TBC1D15: variants seen among roughly 807,000 people sequenced by gnomAD.
TBC1D15 encodes TBC1 domain family member 15, also known as GAP for RAB7.
A neutral mutation model predicts 95.4 loss-of-function variants in TBC1D15; 39 were observed. The ratio of observed to expected loss-of-function variants is 0.41; its 90% CI spans 0.32 to 0.53. TBC1D15 has a LOEUF of 0.53. TBC1D15 is among the 20% of genes least tolerant of loss of function. The pLI is 0.29. For synonymous variants in TBC1D15, 258 were observed against 261.3 expected (o/e 0.99, Z 0.12); for missense variants, 733 against 794.3 (o/e 0.92, Z 0.93).
At chr12:71,873,832 T>G (rs891646878) in intron 3 of TBC1D15, among the ~76,000 whole-genome samples, 1 of 152,202 alleles carries the variant, frequency 6.6e-6, no homozygotes, top group African/African-American at 2.4e-5. Flanking sequence ...AGAACAGTCT[T>G]AATTTATTGT....
intron 11 of TBC1D15, among the ~76,000 whole-genome samples, chr12:71,909,615 T>C (rs1391246290): frequency 6.6e-6 from 1 of 152,174 alleles, no homozygotes; most frequent in African/African-American, 2.4e-5. Flanking sequence ...GTTTTTTAAT[T>C]TGATACTCTA....
intron 1 of TBC1D15, among the ~76,000 whole-genome samples, chr12:71,855,909 C>T (rs1888950132): frequency 6.7e-6 from 1 of 149,838 alleles, no homozygotes; most frequent in African/African-American, 2.5e-5. Flanking sequence ...TAATCAGTTG[C>T]ACCTTTTGTC....
rs1870358885 is a variant in TBC1D15, at chr12:71,924,090, G to A, written c.*886G>A. On this transcript the variant is annotated 3_prime_UTR_variant, in exon 17 of 17. Transcript: ENST00000485960. Reference sequence around the variant, plus strand: ...TAATAATGCATTAACTGATTAATCAGGTGTTTAAATTTTTATAAAATACTC... The same window carrying A: ...TAATAATGCATTAACTGATTAATCAAGTGTTTAAATTTTTATAAAATACTC... The A allele has an allele frequency of 6.6e-6, 1 of 152,376 alleles. No individual in the cohort carries two copies. The highest frequency in any genetic ancestry group is 2.1e-4 in the South Asian group (1 of 4,812). The allele number at this position is 152,376 out of a possible 1,614,324, so 9.4% of individuals were successfully genotyped here. A position where few individuals can be genotyped will look rare whatever the true frequency, so the allele number is the denominator to read the frequency against.
chr12:71,903,655 T>C (rs1305599565), intron 10 of TBC1D15, among the ~76,000 whole-genome samples: 3 of 152,308 alleles, frequency 2.0e-5, no homozygotes, highest in South Asian at 2.1e-4. Context: ...AAAGAAAATA[T>C]ACATATGCAC....
Position 71,893,254 on chromosome 12 carries a change from A to G in TBC1D15, c.587A>G (p.Asn196Ser). Residue 196 changes from asparagine to serine, a missense_variant, in exon 6 of 17, where the codon AAT becomes AGT. Transcript: ENST00000485960. ...SPQDKRTLLV[N>S]CQNKSLSQSF... is the part of the protein sequence containing the mutation. ...CAGGATAAAAGAACACTTCTTGTGAATTGTCAGAATAAGAGTCTTTCACAG... is the reference window on the plus strand; with the variant it reads ...CAGGATAAAAGAACACTTCTTGTGAGTTGTCAGAATAAGAGTCTTTCACAG... 1 of 1,608,782 alleles carries G rather than the reference A, an allele frequency of 6.2e-7. No individual in the cohort carries two copies. The highest frequency in any genetic ancestry group is 8.5e-7 in the Non-Finnish European group (1 of 1,177,632).
In TBC1D15 at chr12:71,868,212, A is replaced by G. The variant is rs140470848; in HGVS notation, c.31-3858A>G. Among the ~76,000 whole-genome samples, 136 of 151,826 alleles carry G rather than the reference A, an allele frequency of 9.0e-4. 1 individual carries two copies. In the East Asian group the frequency reaches 0.02, roughly 22 times the overall value. On this transcript the variant is annotated intron_variant, in intron 1 of 16. Transcript: ENST00000485960. ...AAAAAGGGCTGAAGAGTTGAGGAACACAGAATACAGAATGAGTGCAGCTTT... is the reference window on the plus strand; with the variant it reads ...AAAAAGGGCTGAAGAGTTGAGGAACGCAGAATACAGAATGAGTGCAGCTTT...
intron 1 of TBC1D15, 113 bp downstream of exon 1, chr12:71,839,924 C>A: frequency 7.3e-7 from 1 of 1,363,908 alleles, no homozygotes; most frequent in Non-Finnish European, 1.0e-6. Flanking sequence ...CCGGACAACC[C>A]GTGGCGTCTG....
At position 71,858,577 on chromosome 12, in the gene TBC1D15, A is replaced by G. The variant is rs114698102; in HGVS notation, c.31-13493A>G. The stretch of plus-strand genomic sequence containing the variant: ...TTTTTCTTTTTTTTTTTTTTTTGAG[A>G]TAGAGTCTCTTTGTTGCTCAGGCTG... On this transcript the variant is annotated intron_variant, in intron 1 of 16. Transcript: ENST00000485960. Among the ~76,000 whole-genome samples the G allele has an allele frequency of 2.7e-3, 301 of 112,126 alleles. 1 individual carries two copies. The highest frequency in any genetic ancestry group is 0.01 in the African/African-American group (283 of 27,008). The allele number at this position is 112,126 out of a possible 152,430, so 73.6% of individuals were successfully genotyped here. A position where few individuals can be genotyped will look rare whatever the true frequency, so the allele number is the denominator to read the frequency against.
intron 10 of TBC1D15, among the ~76,000 whole-genome samples, chr12:71,905,396 G>A (rs553709160): frequency 7.2e-5 from 11 of 152,204 alleles, no homozygotes; most frequent in African/African-American, 2.6e-4. Context: ...TGCCATCACG[G>A]CTCACTGCAG....
chr12:71,858,369 GCCA>G (rs919976400), intron 1 of TBC1D15, among the ~76,000 whole-genome samples: 63 of 152,112 alleles, frequency 4.1e-4, no homozygotes, highest in African/African-American at 1.5e-3. Flanking sequence ...ACCATGCCCG[GCCA>G]CCACATTTTC....
intron 1 of TBC1D15, among the ~76,000 whole-genome samples, chr12:71,864,416 A>G (rs1891039443): frequency 6.6e-6 from 1 of 151,068 alleles, no homozygotes; most frequent in Non-Finnish European, 1.5e-5. Flanking sequence ...CCTTGCATCT[A>G]GTGGAACAAT....
At chr12:71,904,697 T>G (rs1900254924) in intron 10 of TBC1D15, among the ~76,000 whole-genome samples, 1 of 152,156 alleles carries the variant, frequency 6.6e-6, no homozygotes, top group African/African-American at 2.4e-5. Context: ...CTATATAAAT[T>G]CAAACATGGT....
chr12:71,905,486 T>C (rs575719486), intron 10 of TBC1D15, among the ~76,000 whole-genome samples: 1 of 152,072 alleles, frequency 6.6e-6, no homozygotes, highest in East Asian at 1.9e-4. Flanking sequence ...TCACCATGCC[T>C]GGGTAATTTT....
intron 9 of TBC1D15, 47 bp from the exon 10 acceptor site, chr12:71,897,800 A>G (rs1286630773): frequency 6.9e-7 from 1 of 1,452,896 alleles, no homozygotes; most frequent in East Asian, 2.3e-5. Context: ...AGTGTTAAAA[A>G]TAAAGTTTTC....
rs78279225 is a variant in TBC1D15, at chr12:71,882,980, A to G, written c.344-1831A>G. 5.3e-4 allele frequency among the ~76,000 whole-genome samples: 81 copies of G among 152,280 alleles called. No homozygotes were observed. The East Asian group carries it at 0.013, about 25-fold the overall frequency. ...GTAAAACCTTTACTCTTGAATATGC[A>G]TAAACTCCTGATAATTCATATAGCA... On this transcript the variant is annotated intron_variant, in intron 4 of 16. Transcript: ENST00000485960.
intron 16 of TBC1D15, 65 bp from the exon 17 acceptor site, chr12:71,922,918 G>C: frequency 1.4e-6 from 2 of 1,447,026 alleles, no homozygotes; most frequent in East Asian, 4.6e-5. Context: ...AAACAGAAGT[G>C]TTACTTTGTG....
At chr12:71,902,655 GA>G (rs1431508819) in intron 10 of TBC1D15, among the ~76,000 whole-genome samples, 1 of 152,096 alleles carries the variant, frequency 6.6e-6, no homozygotes, top group African/African-American at 2.4e-5. Flanking sequence ...TACCATTGAG[GA>G]TATCGACCCA....
intron 1 of TBC1D15, among the ~76,000 whole-genome samples, chr12:71,851,225 G>T (rs1321292110): frequency 6.6e-6 from 1 of 152,062 alleles, no homozygotes; most frequent in Non-Finnish European, 1.5e-5. Context: ...TAAACAACCA[G>T]ATCTCATGAG....
chr12:71,864,765 A>G (rs1301254016), intron 1 of TBC1D15, among the ~76,000 whole-genome samples: 1 of 152,048 alleles, frequency 6.6e-6, no homozygotes, highest in Admixed American at 6.6e-5. Flanking sequence ...TTGGCCTCCC[A>G]AACTGCTGGG....
Sources: gnomAD v4.1 joint callset for allele counts (sites outside exome capture counted in the v4.1 genomes callset) on GRCh38, gnomAD v4.1.1 for gene constraint, MANE v1.5 for transcripts, NCBI Gene and HGNC (gene_info 2026-07-23, HGNC 2026-07-21) for gene names.